The following PTPRN2 variants were observed in gnomAD, a reference collection of about 807,000 sequenced individuals.
The protein encoded by PTPRN2 is protein tyrosine phosphatase receptor type N2, also known as receptor-type tyrosine-protein phosphatase N2.
A neutral mutation model predicts 118.8 loss-of-function variants in PTPRN2; 74 were observed. The ratio of observed to expected loss-of-function variants is 0.62; its 90% confidence interval spans 0.52 to 0.76. The LOEUF (loss-of-function observed/expected upper bound fraction) is 0.76, where lower values mean the gene tolerates loss of function less well. Among genes scored for constraint, PTPRN2 ranks in the 30% least tolerant of loss-of-function variants. The pLI is 0.00. For missense variants in PTPRN2, 1,481 were observed against 1,394.4 expected (o/e 1.06, Z -0.99); for synonymous variants, 641 against 608.0 (o/e 1.05, Z -0.80).
At chr7:158,277,173 T>C (rs1034134970) in intron 3 of PTPRN2, among the ~76,000 whole-genome samples, 5 of 152,158 alleles carry the variant, frequency 3.3e-5, no homozygotes, top group African/African-American at 1.2e-4. Context: ...ATAAACATGC[T>C]CTTCTCACGT....
At chr7:157,824,686 G>C (rs184139752) in intron 12 of PTPRN2, among the ~76,000 whole-genome samples, 1 of 152,268 alleles carries the variant, frequency 6.6e-6, no homozygotes, top group Admixed American at 6.5e-5. Flanking sequence ...CATGCTTTTG[G>C]GTCACTGGCT....
At chr7:157,722,119 C>G (rs1007324310) in intron 12 of PTPRN2, among the ~76,000 whole-genome samples, 1 of 152,214 alleles carries the variant, frequency 6.6e-6, no homozygotes, top group African/African-American at 2.4e-5. Flanking sequence ...AGCCCCTGGC[C>G]CCCACCCTCA....
At chr7:157,976,724 G>A (rs1802782390) in intron 11 of PTPRN2, among the ~76,000 whole-genome samples, 1 of 151,872 alleles carries the variant, frequency 6.6e-6, no homozygotes. Context: ...TAATCCTAGA[G>A]CAGATAACTA....
At chr7:158,032,714 A>C (rs1017865099) in intron 11 of PTPRN2, among the ~76,000 whole-genome samples, 2 of 152,174 alleles carry the variant, frequency 1.3e-5, no homozygotes, top group Non-Finnish European at 2.9e-5. Flanking sequence ...AGCACCAGGC[A>C]TTTGGCTCCA....
chr7:158,336,430 G>A (rs1291229925), intron 2 of PTPRN2, among the ~76,000 whole-genome samples: 1 of 114,614 alleles, frequency 8.7e-6, no homozygotes, highest in Admixed American at 9.1e-5. Context: ...GACACCTGCA[G>A]ACGTCACTCA....
chr7:158,127,656 C>T (rs780791550), intron 9 of PTPRN2, among the ~76,000 whole-genome samples: 12 of 152,146 alleles, frequency 7.9e-5, no homozygotes, highest in Non-Finnish European at 1.2e-4. Flanking sequence ...GTGGTCGTTC[C>T]GCAGAATACA....
rs558868699 is a variant in PTPRN2 at position 157,619,132 on chromosome 7, C to T, written c.2344+2230G>A. Among the ~76,000 whole-genome samples, 5 of 152,110 alleles carry T rather than the reference C, an allele frequency of 3.3e-5. No homozygotes were observed. The highest frequency in any genetic ancestry group is 7.3e-5 in the Non-Finnish European group (5 of 68,028). ...ACTAGGTCCCTCGCCCCCAACCCCC[C>T]CATCCACACTGTACAGACAGAGCCC... is the stretch of plus-strand genomic sequence containing the variant. On this transcript the variant is annotated intron_variant, in intron 15 of 22. Transcript: ENST00000389418. The surrounding 1 kb of genome is among the most constrained non-coding windows in gnomAD (Gnocchi z 5.3).
intron 3 of PTPRN2, among the ~76,000 whole-genome samples, chr7:158,233,675 C>T (rs565093716): frequency 1.1e-4 from 16 of 152,196 alleles, no homozygotes; most frequent in Non-Finnish European, 2.1e-4. Flanking sequence ...CAATCCTGAG[C>T]AAAAATAACA....
rs1237949247 is a variant in PTPRN2 at position 158,348,431 on chromosome 7, C to T, written c.164-31499G>A. On this transcript the variant is annotated intron_variant, in intron 2 of 22. Transcript: ENST00000389418. ...ACAGCCCCAGAGCCACCCTGGGGTC[C>T]CCATTCACAGCCCCAGAGCCACCCT... Among the ~76,000 whole-genome samples the T allele has an allele frequency of 9.8e-3, 167 of 16,988 alleles. 1 individual carries two copies. Among genetic ancestry groups the T allele is most frequent in the South Asian group, 0.026 (5 of 194 alleles). 11.1% of individuals were successfully genotyped at this position (16,988 alleles called of 152,430 possible).
chr7:157,760,078 C>G (rs897963932), intron 12 of PTPRN2, among the ~76,000 whole-genome samples: 1 of 152,228 alleles, frequency 6.6e-6, no homozygotes, highest in Non-Finnish European at 1.5e-5. Flanking sequence ...GGTGCTGTCC[C>G]CCCAACGCCA....
chr7:158,265,815 T>A (rs1452934015), intron 3 of PTPRN2, among the ~76,000 whole-genome samples: 4 of 152,138 alleles, frequency 2.6e-5, no homozygotes, highest in African/African-American at 9.7e-5. Flanking sequence ...TGGCTCCCCA[T>A]CAGCAGGAGC....
At chr7:158,315,852 G>A (rs1403625529) in intron 3 of PTPRN2, among the ~76,000 whole-genome samples, 1 of 152,244 alleles carries the variant, frequency 6.6e-6, no homozygotes, top group South Asian at 2.1e-4. Context: ...CAGCAGAGGA[G>A]GATTTTAATA....
intron 12 of PTPRN2, among the ~76,000 whole-genome samples, chr7:157,753,576 A>G (rs910205405): frequency 6.6e-6 from 1 of 150,712 alleles, no homozygotes; most frequent in African/African-American, 2.4e-5. Flanking sequence ...CAACACCCCC[A>G]CCTCTGAAAA....
intron 2 of PTPRN2, among the ~76,000 whole-genome samples, chr7:158,322,684 AG>A (rs1410457572): frequency 6.6e-6 from 1 of 151,298 alleles, no homozygotes; most frequent in Non-Finnish European, 1.5e-5. Flanking sequence ...CAGGCAGGAG[AG>A]GACACCAAGC....
chr7:158,256,447 G>A (rs544738507), intron 3 of PTPRN2, among the ~76,000 whole-genome samples: 19 of 152,272 alleles, frequency 1.2e-4, no homozygotes, highest in East Asian at 3.9e-4. Flanking sequence ...TCTGGTCCGC[G>A]CCATGTGGAA....
intron 11 of PTPRN2, among the ~76,000 whole-genome samples, chr7:158,049,451 C>T (rs570787449): frequency 7.9e-5 from 12 of 152,332 alleles, no homozygotes; most frequent in Admixed American, 7.8e-4. Flanking sequence ...ACCTCCTGAA[C>T]TGCTGCCTGA....
chr7:158,167,393 C>G, intron 5 of PTPRN2, 102 bp from the exon 6 acceptor site: 2 of 1,413,046 alleles, frequency 1.4e-6, no homozygotes, highest in Non-Finnish European at 1.9e-6. Context: ...CCTAAACAGC[C>G]CTGGGGGTAC....
chr7:157,576,809 G>C, intron 18 of PTPRN2, 30 bp from the exon 19 acceptor site: 1 of 1,564,202 alleles, frequency 6.4e-7, no homozygotes, highest in Non-Finnish European at 8.7e-7. Flanking sequence ...GGAGGGGACA[G>C]AGACAGGTGT....
At chr7:158,095,731 G>A (rs1814577636) in intron 10 of PTPRN2, among the ~76,000 whole-genome samples, 1 of 152,202 alleles carries the variant, frequency 6.6e-6, no homozygotes, top group Non-Finnish European at 1.5e-5. Context: ...AAGGAGCGTA[G>A]GAGTGTATAC....
Sources: allele counts gnomAD v4.1 joint callset (sites outside exome capture counted in the v4.1 genomes callset), GRCh38; gene constraint gnomAD v4.1.1; non-coding constraint Gnocchi (gnomAD v3.1); transcripts MANE v1.5; gene names NCBI Gene and HGNC (gene_info 2026-07-23, HGNC 2026-07-21).